The following OTUD3 variants were observed in gnomAD, a reference collection of about 807,000 sequenced individuals.
OTUD3 encodes OTU domain-containing protein 3.
Under a neutral mutation model 46.2 loss-of-function variants are expected in OTUD3, and 24 were observed. The ratio of observed to expected loss-of-function variants is 0.52; its 90% CI spans 0.38 to 0.73. The LOEUF is 0.73. OTUD3 is among the 30% of genes least tolerant of loss of function. The pLI is 0.00. For missense variants in OTUD3, 455 were observed against 523.3 expected, an observed-to-expected ratio of 0.87 and a Z score of 1.27; for synonymous variants, 189 against 195.4, an observed-to-expected ratio of 0.97 and a Z score of 0.27.
In OTUD3 at chr1:19,882,670, T is replaced by C; in HGVS notation, c.157T>C (p.Phe53Leu). The C allele has an allele frequency of 6.9e-7, 1 of 1,455,938 alleles. No homozygotes were observed. Among genetic ancestry groups the C allele is most frequent in the Non-Finnish European group, 9.0e-7 (1 of 1,105,608 alleles). 90.2% of individuals were successfully genotyped at this position (1,455,938 alleles called of 1,614,324 possible). ...CGGCGGCGGCGGCTGCGAGGAGGAG[T>C]TCGTCAGCTTCGCCAACCAGCTGCA... ...SGGGGGCEEE[F>L]VSFANQLQAL... The change falls in exon 1 of 8, where the codon TTC becomes CTC. Residue 53 changes from phenylalanine (F) to leucine (L), a missense_variant. By Grantham distance (22) the Phe-to-Leu change is conservative. Coordinates refer to ENST00000375120, the MANE Select transcript of OTUD3 (RefSeq NM_015207.2).
At chr1:19,903,419 C>T (rs1353686519) in intron 4 of OTUD3, among the ~76,000 whole-genome samples, 5 of 152,108 alleles carry the variant, frequency 3.3e-5, no homozygotes, top group African/African-American at 1.2e-4. Flanking sequence ...ACTACCGGCT[C>T]AAAGACTCCT....
At chr1:19,906,103 A>C (rs932867951) in intron 6 of OTUD3, among the ~76,000 whole-genome samples, 1 of 152,266 alleles carries the variant, frequency 6.6e-6, no homozygotes, top group African/African-American at 2.4e-5. Context: ...GCACAGCTTT[A>C]GAGCCTGTTT....
intron 4 of OTUD3, among the ~76,000 whole-genome samples, chr1:19,900,989 A>C (rs1246049824): frequency 1.4e-5 from 2 of 142,308 alleles, no homozygotes; most frequent in African/African-American, 5.3e-5. Context: ...GCAGTGGTGC[A>C]ACCTCTGCCT....
intron 6 of OTUD3, among the ~76,000 whole-genome samples, chr1:19,905,223 C>T (rs2045643052): frequency 6.6e-6 from 1 of 151,958 alleles, no homozygotes; most frequent in African/African-American, 2.4e-5. Context: ...TGCGATAGTA[C>T]ATAATGGGGT....
Position 19,904,996 on chromosome 1 carries a change from A to C in OTUD3, c.835+9A>C. 7.6e-7 allele frequency: 1 copy of C among 1,310,054 alleles called. No homozygotes were observed. The highest frequency in any genetic ancestry group is 1.1e-6 in the Non-Finnish European group (1 of 921,630). 81.2% of individuals were successfully genotyped at this position (1,310,054 alleles called of 1,614,324 possible). ...CCAAGGGAAGAGAAATAGTAAGTCC[A>C]TGACTAATATTTATAGATCTTCAAA... On this transcript the variant is annotated intron_variant, in intron 6 of 7. Coordinates refer to ENST00000375120, the MANE Select transcript of OTUD3 (RefSeq NM_015207.2).
chr1:19,892,870 G>A (rs964262152), intron 2 of OTUD3, among the ~76,000 whole-genome samples: 2 of 152,130 alleles, frequency 1.3e-5, no homozygotes, highest in African/African-American at 2.4e-5. Context: ...TCAGGATAGA[G>A]CCCAGACTTT....
chr1:19,899,402 A>C (rs1306224577), intron 4 of OTUD3, among the ~76,000 whole-genome samples: 1 of 152,156 alleles, frequency 6.6e-6, no homozygotes. Flanking sequence ...GTGCTTTTTA[A>C]ATTTAACATG....
chr1:19,890,334 C>T (rs754260742), intron 1 of OTUD3, 51 bp from the exon 2 acceptor site: 63 of 1,566,872 alleles, frequency 4.0e-5, no homozygotes, highest in Non-Finnish European at 5.0e-5. Context: ...TTGTTTTAGA[C>T]GAACTAAGTT....
chr1:19,895,830 A>G (rs1218345618), intron 3 of OTUD3, among the ~76,000 whole-genome samples: 1 of 152,222 alleles, frequency 6.6e-6, no homozygotes. Flanking sequence ...TAACAAAATC[A>G]TTTGAATACA....
chr1:19,890,282 G>T (rs1346591559), intron 1 of OTUD3, 103 bp from the exon 2 acceptor site: 5 of 1,182,502 alleles, frequency 4.2e-6, no homozygotes, highest in Non-Finnish European at 4.9e-6. Context: ...TTACCTCTGT[G>T]TGCACAAAAT....
At chr1:19,886,793 T>TA (rs1309739971) in intron 1 of OTUD3, among the ~76,000 whole-genome samples, 3 of 152,016 alleles carry the variant, frequency 2.0e-5, no homozygotes, top group Non-Finnish European at 4.4e-5. Flanking sequence ...CCTGATTGAG[T>TA]AGGCCTGGGT....
At chr1:19,902,244 G>T (rs2045600469) in intron 4 of OTUD3, among the ~76,000 whole-genome samples, 1 of 151,994 alleles carries the variant, frequency 6.6e-6, no homozygotes, top group African/African-American at 2.4e-5. Flanking sequence ...TTGCTCTGTC[G>T]CCCAGGCTGG....
chr1:19,906,756 TA>T, intron 7 of OTUD3, 140 bp downstream of exon 7: 4 of 753,854 alleles, frequency 5.3e-6, no homozygotes, highest in Non-Finnish European at 8.5e-6. Flanking sequence ...TGCATAAAGC[TA>T]CATCAAGAAG....
At chr1:19,897,277 C>T (rs143201854) in intron 3 of OTUD3, among the ~76,000 whole-genome samples, 11 of 152,276 alleles carry the variant, frequency 7.2e-5, no homozygotes, top group African/African-American at 2.6e-4. Flanking sequence ...GCTTATTTAA[C>T]TTCATCGCAA....
At chr1:19,906,940 A>T (rs546351949) in intron 7 of OTUD3, 3 of 198,942 alleles carry the variant, frequency 1.5e-5, no homozygotes, top group Non-Finnish European at 3.1e-5. Flanking sequence ...ATGATCTGCA[A>T]TGAACACCTT....
Position 19,894,487 on chromosome 1 carries a change from C to G in OTUD3, c.483+7C>G. On this transcript the variant is annotated splice_region_variant and intron_variant, in intron 3 of 7. Transcript: ENST00000375120. The stretch of plus-strand genomic sequence containing the variant: ...TAATGCCCCTTTGTGGCAGGTAGGT[C>G]ACCTATTTAAACATTTATCTTAAGC... 6.7e-7 allele frequency: 1 copy of G among 1,494,274 alleles called. No individual in the cohort carries two copies. Among genetic ancestry groups the G allele is most frequent in the Non-Finnish European group, 9.3e-7 (1 of 1,080,534 alleles). The allele number at this position is 1,494,274 out of a possible 1,614,324, so 92.6% of individuals were successfully genotyped here.
At chr1:19,907,447 T>G in intron 7 of OTUD3, 123 bp from the exon 8 acceptor site, 1 of 788,940 alleles carries the variant, frequency 1.3e-6, no homozygotes, top group Non-Finnish European at 2.0e-6. Flanking sequence ...TTTGGCGTCT[T>G]AGATTGGTTT....
intron 4 of OTUD3, among the ~76,000 whole-genome samples, chr1:19,902,389 T>C (rs1571179735): frequency 6.6e-6 from 1 of 152,148 alleles, no homozygotes; most frequent in East Asian, 1.9e-4. Flanking sequence ...GTGTTTTTAG[T>C]GGAGACAGGG....
rs2045556037 is a variant in OTUD3 at position 19,899,170 on chromosome 1, G to A, written c.606+1508G>A. Among the ~76,000 whole-genome samples, 3 of 152,076 alleles carry A rather than the reference G, an allele frequency of 2.0e-5. No homozygotes were observed. In the South Asian group the frequency reaches 6.2e-4, roughly 32 times the overall value. On this transcript the variant is annotated intron_variant, in intron 4 of 7. Coordinates refer to ENST00000375120, the MANE Select transcript of OTUD3 (RefSeq NM_015207.2). ...GATTAGAATTCAAAATATGTAATGG[G>A]ATATATAGTCAAAGTCACTCTCCTA...
Sources: gnomAD v4.1 joint callset for allele counts (sites outside exome capture counted in the v4.1 genomes callset) on GRCh38, gnomAD v4.1.1 for gene constraint, MANE v1.5 for transcripts, NCBI Gene and HGNC (gene_info 2026-07-23, HGNC 2026-07-21) for gene names.